Variants in C12orf42 observed in about 807,000 individuals in gnomAD.
The protein encoded by C12orf42 is chromosome 12 open reading frame 42, also known as uncharacterized protein C12orf42.
Under a neutral mutation model 21.6 loss-of-function variants are expected in C12orf42, and 25 were observed. The ratio of observed to expected loss-of-function variants is 1.16; its 90% CI spans 0.84 to 1.62. The LOEUF is 1.62. C12orf42 is among the 40% of genes most tolerant of loss of function. The pLI, the probability that C12orf42 is intolerant of heterozygous loss-of-function variation, is 0.00. For missense variants in C12orf42, 483 were observed against 459.3 expected, an observed-to-expected ratio of 1.05 and a Z score of -0.47; for synonymous variants, 174 against 175.0, an observed-to-expected ratio of 0.99 and a Z score of 0.05.
the C12orf42 span, chr12:103,506,013 C>T: frequency 5.0e-6 from 1 of 199,962 alleles, no homozygotes; most frequent in Non-Finnish European, 1.0e-5. Flanking sequence ...TCTTTGTACA[C>T]AGTCTCCTTC....
chr12:103,209,377 C>T, the C12orf42 span, among the ~76,000 whole-genome samples: 370 of 152,230 alleles, frequency 2.4e-3, 1 homozygote, highest in African/African-American at 8.3e-3. Context: ...CAACAGAGAA[C>T]AAAATAGACT....
the C12orf42 span, among the ~76,000 whole-genome samples, chr12:103,147,493 C>CTTTTTTT: frequency 3.5e-5 from 3 of 84,976 alleles, no homozygotes; most frequent in East Asian, 4.1e-4. Context: ...TTCTTTTTTT[C>CTTTTTTT]TTTTTTTTTC....
intron 10 of C12orf42, among the ~76,000 whole-genome samples, chr12:103,251,402 T>C (rs1038245569): frequency 1.1e-4 from 17 of 152,296 alleles, no homozygotes; most frequent in African/African-American, 2.2e-4. Flanking sequence ...TCTTTCTGCA[T>C]TGGGGAAATT....
chr12:103,382,113 C>T (rs1211019624), intron 3 of C12orf42, among the ~76,000 whole-genome samples: 1 of 152,108 alleles, frequency 6.6e-6, no homozygotes, highest in Non-Finnish European at 1.5e-5. Flanking sequence ...GTAGCAGGTG[C>T]CACCAATCCA....
upstream of C12orf42, among the ~76,000 whole-genome samples, chr12:103,496,911 C>G (rs530114444): frequency 1.6e-4 from 25 of 151,560 alleles, no homozygotes; most frequent in South Asian, 5.2e-3. Context: ...CAGCCTTTCT[C>G]TGACTTAGCA....
intron 4 of C12orf42, among the ~76,000 whole-genome samples, chr12:103,352,896 T>C (rs992143442): frequency 7.9e-5 from 12 of 152,160 alleles, no homozygotes; most frequent in African/African-American, 2.7e-4. Flanking sequence ...ATGTTAGTTG[T>C]TTCTGTGGTT....
chr12:103,173,756 T>C, the C12orf42 span, among the ~76,000 whole-genome samples: 401 of 152,246 alleles, frequency 2.6e-3, 1 homozygote, highest in African/African-American at 9.4e-3. Context: ...CTTCTCCTGA[T>C]TAATCGTGTG....
chr12:103,097,678 G>A, the C12orf42 span, among the ~76,000 whole-genome samples: 1 of 152,220 alleles, frequency 6.6e-6, no homozygotes, highest in African/African-American at 2.4e-5. Context: ...ATGGAGGTCA[G>A]TGTGTGGTAT....
chr12:103,050,221 T>G, the C12orf42 span, among the ~76,000 whole-genome samples: 1 of 40,676 alleles, frequency 2.5e-5, no homozygotes, highest in Non-Finnish European at 5.3e-5. Flanking sequence ...TTCTCACAGG[T>G]GTGTGTGTGT....
downstream of C12orf42, among the ~76,000 whole-genome samples, chr12:103,267,182 C>G (rs933488646): frequency 2.0e-5 from 3 of 152,126 alleles, no homozygotes; most frequent in African/African-American, 7.2e-5. Flanking sequence ...TTCCAGGAAG[C>G]TTTCTCTGGT....
chr12:103,481,258 T>G (rs1954450281), intron 1 of C12orf42, among the ~76,000 whole-genome samples: 1 of 151,854 alleles, frequency 6.6e-6, no homozygotes, highest in Non-Finnish European at 1.5e-5. Flanking sequence ...AAATAAAACA[T>G]GGGTTTATGT....
chr12:103,488,602 T>C (rs1290546484), intron 1 of C12orf42, among the ~76,000 whole-genome samples: 1 of 152,242 alleles, frequency 6.6e-6, no homozygotes, highest in African/African-American at 2.4e-5. Flanking sequence ...CAAACATAGA[T>C]TTGGTCTTTT....
intron 4 of C12orf42, among the ~76,000 whole-genome samples, chr12:103,363,143 G>A (rs115919615): frequency 0.11 from 16,461 of 152,070 alleles, 996 homozygotes; most frequent in African/African-American, 0.17. Flanking sequence ...GATTAACAGC[G>A]GATTTCTCAG....
chr12:103,312,235 T>C (rs2039041187), intron 4 of C12orf42, among the ~76,000 whole-genome samples: 2 of 152,116 alleles, frequency 1.3e-5, no homozygotes, highest in South Asian at 2.1e-4. Context: ...TCTTCAGATT[T>C]GGGGAGAGTT....
chr12:103,394,643 T>C (rs1038597323), intron 3 of C12orf42, among the ~76,000 whole-genome samples: 2 of 152,188 alleles, frequency 1.3e-5, no homozygotes, highest in African/African-American at 4.8e-5. Flanking sequence ...ATACTAACGA[T>C]TGTTTCCCAA....
chr12:103,158,415 C>T, the C12orf42 span, among the ~76,000 whole-genome samples: 6 of 152,132 alleles, frequency 3.9e-5, no homozygotes, highest in African/African-American at 9.7e-5. Flanking sequence ...GGAACACATT[C>T]GCTTCCATTT....
chr12:103,094,179 T>C, the C12orf42 span, among the ~76,000 whole-genome samples: 1 of 152,210 alleles, frequency 6.6e-6, no homozygotes, highest in Non-Finnish European at 1.5e-5. Flanking sequence ...TGCCATTACA[T>C]CCTTGGTTTC....
At chr12:103,378,424 C>A (rs1459263728) in intron 3 of C12orf42, among the ~76,000 whole-genome samples, 1 of 152,126 alleles carries the variant, frequency 6.6e-6, no homozygotes, top group Non-Finnish European at 1.5e-5. Context: ...ACCAACTTGT[C>A]TCTATGATTA....
At chr12:103,137,878 G>T in the C12orf42 span, among the ~76,000 whole-genome samples, 387 of 152,184 alleles carry the variant, frequency 2.5e-3, 1 homozygote, top group African/African-American at 9.0e-3. Flanking sequence ...AGGGTGTGTG[G>T]GGGTGGGGGC....
Sources: gnomAD v4.1 joint callset for allele counts (sites outside exome capture counted in the v4.1 genomes callset) on GRCh38, gnomAD v4.1.1 for gene constraint, MANE v1.5 for transcripts, NCBI Gene and HGNC (gene_info 2026-07-23, HGNC 2026-07-21) for gene names.